Variants in L1CAM observed in about 807,000 individuals in gnomAD.
The protein encoded by L1CAM is L1 cell adhesion molecule.
Under a neutral mutation model 93.0 loss-of-function variants are expected in L1CAM, and 8 were observed. That is an observed-to-expected ratio of 0.09 (90% CI 0.05 to 0.16). The LOEUF (loss-of-function observed/expected upper bound fraction) is 0.16, where lower values mean the gene tolerates loss of function less well. Among genes scored for constraint, L1CAM ranks in the 10% least tolerant of loss-of-function variants. L1CAM has a pLI of 1.00. For missense variants in L1CAM, 777 were observed against 1,073.4 expected (o/e 0.72, Z 3.86); for synonymous variants, 453 against 453.0 (o/e 1.00, Z 0.00).
chrX:153,885,945 T>C, intron 1 of L1CAM, 120 bp downstream of exon 1: 6 of 758,280 alleles, frequency 7.9e-6, no homozygotes, highest in Non-Finnish European at 9.2e-6. Context: ...GCAACGCCGG[T>C]TACCGCGGGC....
intron 28 of L1CAM, 77 bp downstream of exon 28, chrX:153,863,291 G>A: frequency 9.2e-7 from 1 of 1,091,422 alleles, no homozygotes; most frequent in South Asian, 1.9e-5. Flanking sequence ...CGGCAGCCAG[G>A]GGACAATGGC....
intron 19 of L1CAM, 127 bp from the exon 20 acceptor site, chrX:153,865,946 G>C: frequency 5.9e-6 from 3 of 511,259 alleles, no homozygotes; most frequent in Non-Finnish European, 1.1e-5. Context: ...AGGAGGAGAG[G>C]TGTGTTTGCA....
At position 153,870,757 on chromosome X, in the gene L1CAM, TCAGGGAGAGAGTG is replaced by T. The variant is rs781871285; in HGVS notation, c.694+20_694+32del. ...GGGCCATGCCTGAGGGTGAAAGGAG[TCAGGGAGAGAGTG>T]CAGAGCCTCTGAGACTCACTGGCCT... On this transcript the variant is annotated intron_variant, in intron 7 of 28. Transcript: ENST00000370060. The T allele has an allele frequency of 8.4e-7, 1 of 1,185,243 alleles. No homozygotes were observed.
At chrX:153,867,968 T>C (rs200152119) in intron 15 of L1CAM, 30 bp downstream of exon 15, 41 of 1,208,453 alleles carry the variant, frequency 3.4e-5, no homozygotes, top group Admixed American at 6.6e-5. Context: ...CCCGGCCTTC[T>C]GGAGTGGAGG....
intron 1 of L1CAM, among the ~76,000 whole-genome samples, chrX:153,879,420 T>TG (rs2064832025): frequency 1.1e-4 from 1 of 8,736 alleles, no homozygotes. Flanking sequence ...GAGTGAGGGG[T>TG]GGGGGTGGGC....
intron 7 of L1CAM, 46 bp from the exon 8 acceptor site, chrX:153,870,545 C>T (rs200962275): frequency 8.4e-6 from 9 of 1,074,723 alleles, no homozygotes; most frequent in South Asian, 1.9e-5. Context: ...CTTCCCTCCA[C>T]CCCAGAATTG....
chrX:153,871,328 A>G, intron 5 of L1CAM, 149 bp from the exon 6 acceptor site: 2 of 531,739 alleles, frequency 3.8e-6, no homozygotes, highest in Non-Finnish European at 6.4e-6. Context: ...ACAGAAAAGG[A>G]GGCAGACACT....
At position 153,862,701 on chromosome X, in the gene L1CAM, C is replaced by G. The variant is rs782139608; in HGVS notation, c.3736G>C (p.Ala1246Pro). The change falls in exon 29 of 29, where the codon GCC becomes CCC. Residue 1246 changes from alanine (A) to proline (P), a missense_variant. Physicochemically the swap from Ala to Pro is conservative, Grantham distance 27 (BLOSUM62 -1). Transcript: ENST00000370060. Reference sequence around the variant, plus strand: ...ACGGCAGGGTTGATGGGGGAAGTGGCCCCTGAGCTGTCATTGCCCCCTGCC... The same window carrying G: ...ACGGCAGGGTTGATGGGGGAAGTGGGCCCTGAGCTGTCATTGCCCCCTGCC... ...EAAGGNDSSG[A>P]TSPINPAVAL... The G allele has an allele frequency of 8.3e-7, 1 of 1,211,549 alleles. No individual in the cohort carries two copies. Among genetic ancestry groups the G allele is most frequent in the Non-Finnish European group, 1.1e-6 (1 of 895,056 alleles).
At chrX:153,883,745 A>T (rs960120109) in intron 1 of L1CAM, 21 of 339,872 alleles carry the variant, frequency 6.2e-5, no homozygotes, top group Non-Finnish European at 1.2e-4. Flanking sequence ...ATCCTGGCAG[A>T]CCTCCTCACA....
chrX:153,884,192 C>G (rs1557096426), intron 1 of L1CAM: 4 of 990,336 alleles, frequency 4.0e-6, no homozygotes, highest in Non-Finnish European at 5.3e-6. Flanking sequence ...CATGGGCAGC[C>G]CAGAGCCCGG....
intron 26 of L1CAM, 161 bp from the exon 27 acceptor site, chrX:153,863,710 C>A: frequency 1.2e-6 from 1 of 839,316 alleles, no homozygotes; most frequent in South Asian, 2.2e-5. Context: ...CCACCACTTG[C>A]CTGTTGCCCC....
At chrX:153,877,732 G>A (rs1363611123) in intron 1 of L1CAM, among the ~76,000 whole-genome samples, 1 of 112,578 alleles carries the variant, frequency 8.9e-6, no homozygotes, top group East Asian at 2.8e-4. Flanking sequence ...CAGCCCCCTG[G>A]GGGTCAAGAG....
At chrX:153,864,142 G>C in intron 25 of L1CAM, 125 bp from the exon 26 acceptor site, 1 of 1,067,866 alleles carries the variant, frequency 9.4e-7, no homozygotes, top group Non-Finnish European at 1.3e-6. Flanking sequence ...AGGGAAAAGG[G>C]CATCTGCGGA....
chrX:153,863,544 C>A lies in L1CAM; in HGVS notation c.3463G>T (p.Asp1155Tyr). ...GAGTCCACCTGGGTGTCCTCCTTAT[C>A]CTTCACTGGAGACACAGAGAGGGAC... is the stretch of plus-strand genomic sequence containing the variant. ...RSKGGKYSVK[D>Y]KEDTQVDSEA... The change falls in exon 27 of 29, where the codon GAT (aspartate) becomes TAT (tyrosine). Residue 1155 changes from aspartate (D) to tyrosine (Y), a missense_variant. Around this residue, in one of 5 missense-constraint regions of L1CAM, gnomAD observed 110 missense variants for 141.7 expected, o/e 0.78. Coordinates refer to ENST00000370060, the MANE Select transcript of L1CAM (RefSeq NM_001278116.2). The A allele has an allele frequency of 8.3e-7, 1 of 1,208,661 alleles. No homozygotes were observed. Among genetic ancestry groups the A allele is most frequent in the Non-Finnish European group, 1.1e-6 (1 of 892,977 alleles).
In L1CAM at chrX:153,869,851, T is replaced by C; in HGVS notation, c.1075A>G (p.Arg359Gly). ...TARLDCQVQGRPQPEVTWRIN... is the reference protein window; with the variant it reads ...TARLDCQVQGGPQPEVTWRIN... ...CTCCAGGTGACCTCTGGTTGGGGCCTGCCCTGGACTTGGCAGTCCAGGCGG... is the reference window on the plus strand; with the variant it reads ...CTCCAGGTGACCTCTGGTTGGGGCCCGCCCTGGACTTGGCAGTCCAGGCGG... The change falls in exon 10 of 29, where the codon AGG (arginine) becomes GGG (glycine). Residue 359 changes from arginine to glycine, a missense_variant. By Grantham distance (125) the Arg-to-Gly change is moderately radical (BLOSUM62 -2). This residue lies in a region of L1CAM where 574 missense variants were observed against 781.0 expected (regional missense o/e 0.73). Coordinates refer to ENST00000370060, the MANE Select transcript of L1CAM (RefSeq NM_001278116.2). The C allele has an allele frequency of 2.5e-6, 3 of 1,210,890 alleles. No homozygotes were observed. Among genetic ancestry groups the C allele is most frequent in the Non-Finnish European group, 3.4e-6 (3 of 895,104 alleles).
chrX:153,864,181 A>G (rs1460659568), intron 25 of L1CAM, 141 bp downstream of exon 25: 1 of 998,896 alleles, frequency 1.0e-6, no homozygotes, highest in Non-Finnish European at 1.4e-6. Context: ...TGATTCGGGG[A>G]CACCCAGATT....
At position 153,872,771 on chromosome X, in the gene L1CAM, C is replaced by A. The variant is rs1247102665; in HGVS notation, c.92-74G>T. 4.5e-6 allele frequency: 4 copies of A among 880,945 alleles called. No homozygotes were observed. In the Admixed American group the frequency reaches 8.9e-5, roughly 20 times the overall value. The allele number at this position is 880,945 out of a possible 1,213,427, so 72.6% of individuals were successfully genotyped here. On this transcript the variant is annotated intron_variant, in intron 3 of 28. Coordinates refer to ENST00000370060, the MANE Select transcript of L1CAM (RefSeq NM_001278116.2). ...GTCATAGCCTCAGCACCTGTCCCAT[C>A]GTGAGGGAAGCAGGGTCCAGAGCCC...
At chrX:153,869,248 C>T in intron 11 of L1CAM, 1 of 452,632 alleles carries the variant, frequency 2.2e-6, no homozygotes, top group South Asian at 3.2e-5. Flanking sequence ...CCTGAAGTTC[C>T]AGGAGAGGTG....
Position 153,865,550 on chromosome X carries a change from G to A in L1CAM, c.2548-50C>T, listed in dbSNP as rs782769986. On this transcript the variant is annotated intron_variant, in intron 20 of 28. Transcript: ENST00000370060. ...GCAGGGGCAGAAGGCACCCAGCAGG[G>A]CCCCCAGCGCACACCCCCACCACCC... 9 of 1,111,348 alleles carry A rather than the reference G, an allele frequency of 8.1e-6. No individual in the cohort carries two copies. The Admixed American group carries it at 1.3e-4, about 16-fold the overall frequency. The allele number at this position is 1,111,348 out of a possible 1,213,427, so 91.6% of individuals were successfully genotyped here.
Sources: gnomAD v4.1 joint callset for allele counts (sites outside exome capture counted in the v4.1 genomes callset) on GRCh38, gnomAD v4.1.1 for gene constraint, gnomAD v4.1.1 regional missense constraint, MANE v1.5 for transcripts, NCBI Gene and HGNC (gene_info 2026-07-23, HGNC 2026-07-21) for gene names.